KIAA1586: variants seen among roughly 807,000 people sequenced by gnomAD.
The protein encoded by KIAA1586 is KIAA1586, also known as E3 SUMO-protein ligase KIAA1586.
In KIAA1586, 5 loss-of-function variants were observed where a neutral mutation model predicts 6.1. The ratio of observed to expected loss-of-function variants is 0.82; its 90% CI spans 0.43 to 1.73. The LOEUF (loss-of-function observed/expected upper bound fraction) is 1.73. KIAA1586 is among the 40% of genes most tolerant of loss of function. The pLI is 0.02. For missense variants in KIAA1586, 899 were observed against 878.2 expected (o/e 1.02, Z -0.30); for synonymous variants, 280 against 301.7 (o/e 0.93, Z 0.75).
At chr6:57,065,227 A>G in the KIAA1586 span, among the ~76,000 whole-genome samples, 1 of 151,748 alleles carries the variant, frequency 6.6e-6, no homozygotes, top group South Asian at 2.1e-4. Context: ...AAATGGGGCA[A>G]TTTTTTTTAA....
chr6:57,065,334 A>G, the KIAA1586 span, among the ~76,000 whole-genome samples: 1 of 152,132 alleles, frequency 6.6e-6, no homozygotes, highest in African/African-American at 2.4e-5. Context: ...ATGTGCTCAT[A>G]CCAAAGAGGT....
At chr6:57,064,359 T>A in the KIAA1586 span, among the ~76,000 whole-genome samples, 1 of 152,242 alleles carries the variant, frequency 6.6e-6, no homozygotes, top group African/African-American at 2.4e-5. Flanking sequence ...CCAAAGGTAG[T>A]GCAGCCAGAG....
At chr6:57,050,550 A>G (rs1016285852) in intron 2 of KIAA1586, among the ~76,000 whole-genome samples, 1 of 150,978 alleles carries the variant, frequency 6.6e-6, no homozygotes, top group Non-Finnish European at 1.5e-5. Flanking sequence ...TTCTGGGCTC[A>G]AGTGATCCTC....
the KIAA1586 span, among the ~76,000 whole-genome samples, chr6:57,063,603 G>A: frequency 1.3e-5 from 2 of 151,506 alleles, no homozygotes; most frequent in African/African-American, 2.4e-5. Flanking sequence ...ACAGGTGCAC[G>A]CCACCACAGT....
Position 57,053,784 on chromosome 6 carries a change from G to T in KIAA1586, c.1285G>T (p.Asp429Tyr). The T allele has an allele frequency of 6.4e-7, 1 of 1,568,352 alleles. No individual in the cohort carries two copies. ...TCATCGATTACAATTGTCACTTGATGATTCTATATCCGAAATAAAACAAAT... is the reference window on the plus strand; with the variant it reads ...TCATCGATTACAATTGTCACTTGATTATTCTATATCCGAAATAAAACAAAT... ...LNHRLQLSLD[D>Y]SISEIKQINH... Residue 429 changes from aspartate (D) to tyrosine (Y), a missense_variant, in exon 4 of 4, where the codon GAT (aspartate) becomes TAT (tyrosine). Physicochemically the swap from Asp to Tyr is radical, Grantham distance 160. Transcript: ENST00000370733.
At chr6:57,057,058 C>T (rs1017112147), downstream of KIAA1586, among the ~76,000 whole-genome samples, 2 of 151,724 alleles carry the variant, frequency 1.3e-5, no homozygotes, top group African/African-American at 2.4e-5. Flanking sequence ...GAAACCCCAT[C>T]TCTACTAAAA....
chr6:57,054,746 A>G lies in KIAA1586; in HGVS notation c.2247A>G (p.Thr749=), dbSNP rs1319191366. The part of the protein sequence containing the change: ...LGKELADWDA[T]PFVKSWSNCN... ...AAGAATTAGCAGATTGGGATGCAAC[A>G]CCGTTTGTAAAATCTTGGTCAAATT... The change falls in exon 4 of 4, where the codon ACA becomes ACG. Residue 749 remains threonine, a synonymous_variant. Transcript: ENST00000370733. 1 of 1,551,258 alleles carries G rather than the reference A, an allele frequency of 6.4e-7. No individual in the cohort carries two copies. The highest frequency in any genetic ancestry group is 2.4e-5 in the East Asian group (1 of 40,876).
At chr6:57,051,891 T>G (rs1297936159) in intron 3 of KIAA1586, among the ~76,000 whole-genome samples, 1 of 152,170 alleles carries the variant, frequency 6.6e-6, no homozygotes, top group African/African-American at 2.4e-5. Flanking sequence ...TGAGAATTGC[T>G]TGAACCCGGG....
the KIAA1586 span, among the ~76,000 whole-genome samples, chr6:57,065,430 T>G: frequency 1.3e-5 from 2 of 152,136 alleles, no homozygotes; most frequent in African/African-American, 4.8e-5. Context: ...CTCGAGGCTG[T>G]TTTAATGTTT....
At position 57,054,819 on chromosome 6, in the gene KIAA1586, A is replaced by G. The variant is rs1410070989; in HGVS notation, c.2320A>G (p.Lys774Glu). Residue 774 changes from lysine (K) to glutamate (E), a missense_variant, in exon 4 of 4, where the codon AAA (lysine) becomes GAA (glutamate). Lys to Glu is a moderately conservative substitution (Grantham distance 56). Coordinates refer to ENST00000370733, the MANE Select transcript of KIAA1586 (RefSeq NM_020931.4). ...TACAAGAGTTCGGCAAAAGTCAACA[A>G]AAGTCTTCCATGAGAATCAATTGGC... ...TDTRVRQKST[K>E]VFHENQLAIW... 6.4e-7 allele frequency: 1 copy of G among 1,551,072 alleles called. No homozygotes were observed. Among genetic ancestry groups the G allele is most frequent in the Non-Finnish European group, 8.7e-7 (1 of 1,146,588 alleles).
chr6:57,053,829 A>G lies in KIAA1586; in HGVS notation c.1330A>G (p.Ile444Val). The G allele has an allele frequency of 2.0e-6, 3 of 1,488,722 alleles. No homozygotes were observed. Among genetic ancestry groups the G allele is most frequent in the Non-Finnish European group, 2.7e-6 (3 of 1,106,098 alleles). 92.2% of individuals were successfully genotyped at this position (1,488,722 alleles called of 1,614,324 possible). A position where few individuals can be genotyped will look rare whatever the true frequency, so the allele number is the denominator to read the frequency against. ...IKQINHLKIF[I>V]DKIYSIYHQP... ...ACAAATTAATCATTTAAAAATATTT[A>G]TTGATAAAATTTATTCTATTTATCA... The change falls in exon 4 of 4, where the codon ATT becomes GTT. Residue 444 changes from isoleucine to valine, a missense_variant. Transcript: ENST00000370733.
chr6:57,055,575 A>G (rs995776471), downstream of KIAA1586, among the ~76,000 whole-genome samples: 12 of 152,172 alleles, frequency 7.9e-5, no homozygotes, highest in Admixed American at 6.5e-5. Flanking sequence ...ATGTAACATC[A>G]TGTTTATCTG....
Position 57,052,727 on chromosome 6 carries a change from G to A in KIAA1586, c.228G>A (p.Leu76=), listed in dbSNP as rs776165556. 1.3e-6 allele frequency: 2 copies of A among 1,573,332 alleles called. No individual in the cohort carries two copies. The highest frequency in any genetic ancestry group is 2.4e-5 in the South Asian group (2 of 83,620). ...TGCCAAAACGACAGGGTGATTTTTTGCATTTTTTAAATGTGAAGAAGGTGA... is the reference window on the plus strand; with the variant it reads ...TGCCAAAACGACAGGGTGATTTTTTACATTTTTTAAATGTGAAGAAGGTGA... ...PKMPKRQGDF[L]HFLNVKKVKT... Residue 76 remains leucine, a synonymous_variant, in exon 4 of 4, where the codon TTG becomes TTA. Transcript: ENST00000370733.
rs561613657 is a variant in KIAA1586, at chr6:57,054,848, A to G, written c.2349A>G (p.Ile783Met). 13 of 1,548,444 alleles carry G rather than the reference A, an allele frequency of 8.4e-6. No individual in the cohort carries two copies. The South Asian group carries it at 1.1e-4, about 13-fold the overall frequency. The change falls in exon 4 of 4, where the codon ATA becomes ATG. Residue 783 changes from isoleucine to methionine, a missense_variant. Ile to Met is a conservative substitution (Grantham distance 10). Transcript: ENST00000370733. ...TCTTCCATGAGAATCAATTGGCTAT[A>G]TGGAACTTAAAATAGAATATTGTAT... ...TKVFHENQLAIWNLK is the reference protein window; with the variant it reads ...TKVFHENQLAMWNLK
chr6:57,063,533 A>C, the KIAA1586 span, among the ~76,000 whole-genome samples: 1 of 132,932 alleles, frequency 7.5e-6, no homozygotes, highest in African/African-American at 2.9e-5. Flanking sequence ...GGCTCAATGC[A>C]ACCTCCTCCT....
chr6:57,054,876 G>A lies in KIAA1586; in HGVS notation c.*13G>A, dbSNP rs142550317. On this transcript the variant is annotated 3_prime_UTR_variant, in exon 4 of 4. Transcript: ENST00000370733. ...GAACTTAAAATAGAATATTGTATACGTTTTTTGTCATCTGTAAATTATGTA... is the reference window on the plus strand; with the variant it reads ...GAACTTAAAATAGAATATTGTATACATTTTTTGTCATCTGTAAATTATGTA... 8.0e-3 allele frequency: 12,221 copies of A among 1,522,618 alleles called. 81 individuals are homozygous for A. Among genetic ancestry groups the A allele is most frequent in the Middle Eastern group, 0.013 (78 of 5,830 alleles). The allele number at this position is 1,522,618 out of a possible 1,614,324, so 94.3% of individuals were successfully genotyped here.
the KIAA1586 span, among the ~76,000 whole-genome samples, chr6:57,061,898 G>A: frequency 6.6e-6 from 1 of 150,548 alleles, no homozygotes; most frequent in Non-Finnish European, 1.5e-5. Flanking sequence ...ATTAATTATA[G>A]CTCTATAATT....
chr6:57,047,953 TAGTA>T (rs1562568648), intron 2 of KIAA1586, among the ~76,000 whole-genome samples: 2 of 143,938 alleles, frequency 1.4e-5, no homozygotes, highest in Admixed American at 7.0e-5. Context: ...TTTCAAGCCT[TAGTA>T]AGTATAAACA....
At chr6:57,064,103 G>A in the KIAA1586 span, among the ~76,000 whole-genome samples, 886 of 152,288 alleles carry the variant, frequency 5.8e-3, 8 homozygotes, top group Middle Eastern at 0.014. Context: ...CTGTGTAACA[G>A]TGCTGCATCA....
Sources: allele counts gnomAD v4.1 joint callset (sites outside exome capture counted in the v4.1 genomes callset), GRCh38; gene constraint gnomAD v4.1.1; transcripts MANE v1.5; gene names NCBI Gene and HGNC (gene_info 2026-07-23, HGNC 2026-07-21).